Variants in ACAN observed in about 807,000 individuals in gnomAD.
The protein encoded by ACAN is aggrecan.
ACAN carries 47 observed loss-of-function variants against 169.1 expected under a neutral mutation model. The observed-to-expected ratio is 0.28, with a 90% CI of 0.22 to 0.35. The LOEUF is 0.35. Among genes scored for constraint, ACAN ranks in the 10% least tolerant of loss-of-function variants. The pLI, the probability that ACAN is intolerant of heterozygous loss-of-function variation, is 1.00. For missense variants in ACAN, 2,716 were observed against 2,759.9 expected, an observed-to-expected ratio of 0.98 and a Z score of 0.36; for synonymous variants, 1,115 against 1,112.2, an observed-to-expected ratio of 1.00 and a Z score of -0.05.
intron 1 of ACAN, among the ~76,000 whole-genome samples, chr15:88,811,472 A>G (rs1489917608): frequency 6.6e-6 from 1 of 152,130 alleles, no homozygotes; most frequent in Non-Finnish European, 1.5e-5. Flanking sequence ...AGCGCTCTCC[A>G]AGCCCCACAT....
At position 88,852,034 on chromosome 15, in the gene ACAN, G is replaced by T; in HGVS notation, c.2266+1G>T. On this transcript the variant is annotated splice_donor_variant, in intron 11 of 18. Coordinates refer to ENST00000560601, the MANE Select transcript of ACAN (RefSeq NM_001369268.1). LOFTEE classifies it high-confidence loss of function. Reference sequence around the variant, plus strand: ...CCAGTGGGCACATCCCCGCTGCCAGGTTGGTATGGCTTGGGTTCTGGGGCA... The same window carrying T: ...CCAGTGGGCACATCCCCGCTGCCAGTTTGGTATGGCTTGGGTTCTGGGGCA... 6.3e-7 allele frequency: 1 copy of T among 1,594,484 alleles called. No homozygotes were observed. Among genetic ancestry groups the T allele is most frequent in the Non-Finnish European group, 8.5e-7 (1 of 1,170,720 alleles).
Position 88,851,920 on chromosome 15 carries a change from C to T in ACAN, c.2153C>T (p.Thr718Ile). 2.5e-6 allele frequency: 4 copies of T among 1,612,682 alleles called. No homozygotes were observed. In the South Asian group the frequency reaches 3.3e-5, roughly 13 times the overall value. ...GVAAVPVEEE[T>I]TAVPSGETTA... ...GCTGCTGTCCCCGTAGAAGAGGAGA[C>T]AACTGCTGTACCCTCAGGGGAGACT... The change falls in exon 11 of 19, where the codon ACA becomes ATA. Residue 718 changes from threonine (T) to isoleucine (I), a missense_variant. Thr to Ile is a moderately conservative substitution (Grantham distance 89). This residue lies in a region of ACAN where 1,283 missense variants were observed against 1,281.5 expected (regional missense o/e 1.00). Transcript: ENST00000560601. The surrounding 1 kb of genome is among the most constrained non-coding windows in gnomAD (Gnocchi z 4.3).
chr15:88,865,355 C>T (rs1434959339), intron 13 of ACAN, among the ~76,000 whole-genome samples: 1 of 152,200 alleles, frequency 6.6e-6, no homozygotes, highest in Non-Finnish European at 1.5e-5. Flanking sequence ...TTTCCTGACT[C>T]CTCCATCTCT....
chr15:88,863,044 C>CG (rs1162796526), intron 13 of ACAN, among the ~76,000 whole-genome samples: 1 of 150,536 alleles, frequency 6.6e-6, no homozygotes, highest in African/African-American at 2.4e-5. Context: ...TCAGTATCCT[C>CG]GGGGGGCCAT....
rs1896927013 is a variant in ACAN, at chr15:88,851,403, A to G, written c.2027-391A>G. On this transcript the variant is annotated intron_variant, in intron 10 of 18. Transcript: ENST00000560601. This position sits in a 1 kb window ranked among gnomAD's most constrained non-coding sequence, Gnocchi z 4.3. ...CTTAAATTCAAAGACTAGATCTGAC[A>G]TTTGTAAGCCATTGACTCTGGGCAA... is the stretch of plus-strand genomic sequence containing the variant. 1 of 173,088 alleles carries G rather than the reference A, an allele frequency of 5.8e-6. No individual in the cohort carries two copies. The highest frequency in any genetic ancestry group is 2.4e-5 in the African/African-American group (1 of 41,992). 10.7% of individuals were successfully genotyped at this position (173,088 alleles called of 1,614,324 possible). A position where few individuals can be genotyped will look rare whatever the true frequency, so the allele number is the denominator to read the frequency against.
chr15:88,822,553 G>A (rs1051015558), intron 1 of ACAN, among the ~76,000 whole-genome samples: 4 of 151,250 alleles, frequency 2.6e-5, no homozygotes, highest in Non-Finnish European at 2.9e-5. Flanking sequence ...TGCAACCTCC[G>A]CCTCCCAGGT....
intron 1 of ACAN, among the ~76,000 whole-genome samples, chr15:88,806,819 C>T (rs1454114831): frequency 6.6e-6 from 1 of 152,094 alleles, no homozygotes; most frequent in Non-Finnish European, 1.5e-5. Flanking sequence ...CAGATTTGTC[C>T]AACTGCAGGT....
In ACAN at chr15:88,838,221, T is replaced by A. The variant is rs16942312; in HGVS notation, c.71-442T>A. Among the ~76,000 whole-genome samples the A allele has an allele frequency of 0.017, 2,601 of 152,282 alleles. 67 individuals carry two copies. Among genetic ancestry groups the A allele is most frequent in the African/African-American group, 0.06 (2,513 of 41,546 alleles). On this transcript the variant is annotated intron_variant, in intron 2 of 18. Transcript: ENST00000560601. The surrounding 1 kb of genome is among the most constrained non-coding windows in gnomAD (Gnocchi z 5.1). The stretch of plus-strand genomic sequence containing the variant: ...GGACACATCTTAGAAGTTTTCTGTC[T>A]CAGCTTTAAAATTGTGTAGATTACT...
At chr15:88,835,510 G>A (rs1311716342) in intron 1 of ACAN, among the ~76,000 whole-genome samples, 3 of 152,146 alleles carry the variant, frequency 2.0e-5, no homozygotes, top group Non-Finnish European at 4.4e-5. Flanking sequence ...ATGATAAGTT[G>A]GTAAGCTAGA....
Position 88,845,783 on chromosome 15 carries a change from G to A in ACAN, c.1330G>A (p.Gly444Ser), listed in dbSNP as rs1896779804. 6.3e-7 allele frequency: 1 copy of A among 1,598,090 alleles called. No individual in the cohort carries two copies. Among genetic ancestry groups the A allele is most frequent in the African/African-American group, 1.3e-5 (1 of 74,508 alleles). The change falls in exon 7 of 19, where the codon GGC (glycine) becomes AGC (serine). Residue 444 changes from glycine to serine, a missense_variant. By Grantham distance (56) the Gly-to-Ser change is moderately conservative. Coordinates refer to ENST00000560601, the MANE Select transcript of ACAN (RefSeq NM_001369268.1). ...NETGEATRPW[G>S]FPTPGLGPAT... The stretch of plus-strand genomic sequence containing the variant: ...GACTGGAGAGGCCACCAGGCCCTGG[G>A]GCTTTCCCACACCTGGCCTGGGCCC...
chr15:88,844,933 T>C (rs1896756838), intron 6 of ACAN, among the ~76,000 whole-genome samples: 1 of 152,080 alleles, frequency 6.6e-6, no homozygotes, highest in South Asian at 2.1e-4. Context: ...AGGAAGAGGG[T>C]TAATAGCTGG....
At chr15:88,809,096 A>G (rs1895757170) in intron 1 of ACAN, among the ~76,000 whole-genome samples, 1 of 152,238 alleles carries the variant, frequency 6.6e-6, no homozygotes, top group Non-Finnish European at 1.5e-5. Context: ...GGCACAAATT[A>G]GACATACAAT....
intron 10 of ACAN, chr15:88,850,894 A>T (rs2141593912): frequency 6.6e-6 from 1 of 151,424 alleles, no homozygotes; most frequent in South Asian, 2.1e-4. Flanking sequence ...CAGTGAGCCG[A>T]GATTATTCTG....
chr15:88,831,074 T>C (rs1385222121), intron 1 of ACAN, among the ~76,000 whole-genome samples: 1 of 152,230 alleles, frequency 6.6e-6, no homozygotes, highest in Non-Finnish European at 1.5e-5. Context: ...AAGTCTCACC[T>C]CGTTGATAGT....
In ACAN at chr15:88,821,122, C is replaced by T. The variant is rs550122911; in HGVS notation, c.-7-15078C>T. 3.5e-4 allele frequency among the ~76,000 whole-genome samples: 53 copies of T among 152,324 alleles called. No homozygotes were observed. The South Asian group carries it at 0.011, about 32-fold the overall frequency. ...TTCGATTACCTCCCACTGGGTCCCT[C>T]CCATGATATATGGGAATTATGGGAA... On this transcript the variant is annotated intron_variant, in intron 1 of 18. Transcript: ENST00000560601.
chr15:88,860,982 G>A (rs1021608318), intron 13 of ACAN, among the ~76,000 whole-genome samples: 8 of 152,162 alleles, frequency 5.3e-5, no homozygotes, highest in South Asian at 4.1e-4. Flanking sequence ...CCAGCAGCAC[G>A]TCTGCCCAGG....
chr15:88,820,238 T>C (rs979202500), intron 1 of ACAN, among the ~76,000 whole-genome samples: 1 of 152,156 alleles, frequency 6.6e-6, no homozygotes, highest in African/African-American at 2.4e-5. Context: ...CTCCTCCCAG[T>C]CAGTCTCCTT....
chr15:88,860,104 C>G (rs1897163468), intron 12 of ACAN, among the ~76,000 whole-genome samples: 1 of 120,462 alleles, frequency 8.3e-6, no homozygotes, highest in African/African-American at 3.9e-5. Flanking sequence ...GCTCTGGGGT[C>G]CCTTGTACCT....
In ACAN at chr15:88,856,752, G is replaced by A. The variant is rs529296210; in HGVS notation, c.4167G>A (p.Glu1389=). The A allele has an allele frequency of 1.9e-6, 2 of 1,057,914 alleles. No homozygotes were observed. Among genetic ancestry groups the A allele is most frequent in the Admixed American group, 2.1e-5 (1 of 46,964 alleles). 65.5% of individuals were successfully genotyped at this position (1,057,914 alleles called of 1,614,324 possible). A position where few individuals can be genotyped will look rare whatever the true frequency, so the allele number is the denominator to read the frequency against. Residue 1389 remains glutamate, a synonymous_variant, in exon 12 of 19, where the codon GAG becomes GAA. Transcript: ENST00000560601. ...TAGAGACTGCTGCCCCTGGAGTAGA[G>A]GACATCAGCGGGCTTCCTTCTGGAG... is the stretch of plus-strand genomic sequence containing the variant. ...EVLETAAPGV[E]DISGLPSGEV...
Sources: allele counts gnomAD v4.1 joint callset (sites outside exome capture counted in the v4.1 genomes callset), GRCh38; gene constraint gnomAD v4.1.1; regional missense constraint gnomAD v4.1.1; non-coding constraint Gnocchi (gnomAD v3.1); transcripts MANE v1.5; gene names NCBI Gene and HGNC (gene_info 2026-07-23, HGNC 2026-07-21).